NFIC: variants seen among roughly 807,000 people sequenced by gnomAD.
NFIC encodes the protein nuclear factor 1 C-type.
Under a neutral mutation model 54.4 loss-of-function variants are expected in NFIC, and 12 were observed. The observed-to-expected ratio is 0.22, with a 90% CI of 0.14 to 0.36. The LOEUF (loss-of-function observed/expected upper bound fraction) is 0.36, where lower values mean the gene tolerates loss of function less well. Ranked by LOEUF, NFIC falls within the 10% of genes least tolerant of loss-of-function variation. The pLI is 1.00. For synonymous variants in NFIC, 322 were observed against 319.2 expected (o/e 1.01, Z -0.09); for missense variants, 575 against 718.2 (o/e 0.80, Z 2.28).
chr19:3,433,273 A>C (rs2082149704), intron 3 of NFIC, among the ~76,000 whole-genome samples: 2 of 152,152 alleles, frequency 1.3e-5, no homozygotes, highest in Non-Finnish European at 2.9e-5. Context: ...CCTGCTGTTC[A>C]CTTGAATGCA....
At chr19:3,426,988 G>A (rs1388853196) in intron 3 of NFIC, among the ~76,000 whole-genome samples, 5 of 148,532 alleles carry the variant, frequency 3.4e-5, no homozygotes, top group East Asian at 4.0e-4. Context: ...GTGCAATGGC[G>A]CAATCTCGGC....
chr19:3,455,016 G>C (rs1020905842), intron 9 of NFIC, among the ~76,000 whole-genome samples: 4 of 152,210 alleles, frequency 2.6e-5, no homozygotes, highest in Admixed American at 2.0e-4. Flanking sequence ...CTGAGCCTCA[G>C]TTTTCTCAGC....
At chr19:3,404,846 G>A (rs1405252866) in intron 2 of NFIC, among the ~76,000 whole-genome samples, 2 of 152,156 alleles carry the variant, frequency 1.3e-5, no homozygotes, top group African/African-American at 2.4e-5. Flanking sequence ...CTCCAGACCC[G>A]CTGCCCAGGC....
In NFIC at chr19:3,381,770, C is replaced by T; in HGVS notation, c.89C>T (p.Thr30Ile). 1 of 1,613,936 alleles carries T rather than the reference C, an allele frequency of 6.2e-7. No homozygotes were observed. Among genetic ancestry groups the T allele is most frequent in the Non-Finnish European group, 8.5e-7 (1 of 1,179,954 alleles). ...CCTCACGTCCGCGCCTTCGCCTACA[C>T]CTGGTTCAACCTGCAGGCGCGGAAG... is the stretch of plus-strand genomic sequence containing the variant. ...LLPHVRAFAYTWFNLQARKRK... is the reference protein window; with the variant it reads ...LLPHVRAFAYIWFNLQARKRK... Residue 30 changes from threonine to isoleucine, a missense_variant, in exon 2 of 11, where the codon ACC (threonine) becomes ATC (isoleucine). Coordinates refer to ENST00000443272, the MANE Select transcript of NFIC (RefSeq NM_001245002.2).
rs139528173 is a variant in NFIC at position 3,437,095 on chromosome 19, C to G, written c.958+1888C>G. 6.9e-3 allele frequency among the ~76,000 whole-genome samples: 1,044 copies of G among 152,164 alleles called. 15 individuals are homozygous for G. The highest frequency in any genetic ancestry group is 0.023 in the African/African-American group (970 of 41,534). Reference sequence around the variant, plus strand: ...TAACATTCCTGTCTCTGACCAGGCTCGGTGGCTCACGCCTGTAATCCCAGC... The same window carrying G: ...TAACATTCCTGTCTCTGACCAGGCTGGGTGGCTCACGCCTGTAATCCCAGC... On this transcript the variant is annotated intron_variant, in intron 6 of 10. Transcript: ENST00000443272.
At chr19:3,443,315 G>A (rs375505418) in intron 6 of NFIC, among the ~76,000 whole-genome samples, 2 of 151,848 alleles carry the variant, frequency 1.3e-5, no homozygotes, top group African/African-American at 2.4e-5. Context: ...CCAGCTACTC[G>A]AGAGGCTGAG....
rs529267063 is a variant in NFIC, at chr19:3,466,598, T to C, written c.*3829T>C. ...TGGCCACGACATTGCCCTTAAGTAA[T>C]ATGCATTGGCCAGAGAGCCCGGGCT... On this transcript the variant is annotated 3_prime_UTR_variant, in exon 11 of 11. Coordinates refer to ENST00000443272, the MANE Select transcript of NFIC (RefSeq NM_001245002.2). This position sits in a 1 kb window ranked among gnomAD's most constrained non-coding sequence, Gnocchi z 4.8. 1.3e-5 allele frequency: 2 copies of C among 151,408 alleles called. No homozygotes were observed. The highest frequency in any genetic ancestry group is 3.9e-4 in the East Asian group (2 of 5,154). 9.4% of individuals were successfully genotyped at this position (151,408 alleles called of 1,614,324 possible).
chr19:3,429,455 G>A (rs943093586), intron 3 of NFIC, among the ~76,000 whole-genome samples: 2 of 151,988 alleles, frequency 1.3e-5, no homozygotes, highest in African/African-American at 4.8e-5. Context: ...GCCAAGGGTG[G>A]TGATGCGTGC....
chr19:3,452,460 C>G lies in NFIC; in HGVS notation c.1085-22C>G. 6.2e-7 allele frequency: 1 copy of G among 1,608,738 alleles called. No homozygotes were observed. Among genetic ancestry groups the G allele is most frequent in the Non-Finnish European group, 8.5e-7 (1 of 1,179,634 alleles). On this transcript the variant is annotated intron_variant, in intron 7 of 10. Transcript: ENST00000443272. This position sits in a 1 kb window ranked among gnomAD's most constrained non-coding sequence, Gnocchi z 5.3. ...ACCGGCTGGAGCCCCCAAGTAACCC[C>G]CGCTTCCCACTGTCTCCGCAGGGAT...
At position 3,464,526 on chromosome 19, in the gene NFIC, G is replaced by GGCCCCCC; in HGVS notation, c.*1757_*1758insGCCCCCC. ...GCTCAAACACAAGGACCCCTCCCCG[G>GGCCCCCC]CCCACCCAGCCCAGCCCCAACTGAC... is the stretch of plus-strand genomic sequence containing the variant. On this transcript the variant is annotated 3_prime_UTR_variant, in exon 11 of 11. Transcript: ENST00000443272. The GGCCCCCC allele has an allele frequency of 2.1e-6, 2 of 935,202 alleles. No homozygotes were observed. Among genetic ancestry groups the GGCCCCCC allele is most frequent in the Non-Finnish European group, 2.5e-6 (2 of 799,372 alleles). 57.9% of individuals were successfully genotyped at this position (935,202 alleles called of 1,614,324 possible).
intron 2 of NFIC, among the ~76,000 whole-genome samples, chr19:3,409,335 A>C (rs1444692637): frequency 1.3e-5 from 2 of 152,168 alleles, no homozygotes; most frequent in South Asian, 4.1e-4. Context: ...AGCCACCGTC[A>C]CATCCTCAGA....
At position 3,463,289 on chromosome 19, in the gene NFIC, G is replaced by A; in HGVS notation, c.*520G>A. ...CTCCCCGGGCCCCCGCGCCTCTGCCGGACACGGACCGGCCCCTCAGCCCCC... is the reference window on the plus strand; with the variant it reads ...CTCCCCGGGCCCCCGCGCCTCTGCCAGACACGGACCGGCCCCTCAGCCCCC... On this transcript the variant is annotated 3_prime_UTR_variant, in exon 11 of 11. Transcript: ENST00000443272. 2.0e-6 allele frequency: 2 copies of A among 989,326 alleles called. No homozygotes were observed. The highest frequency in any genetic ancestry group is 1.2e-6 in the Non-Finnish European group (1 of 832,928). 61.3% of individuals were successfully genotyped at this position (989,326 alleles called of 1,614,324 possible).
At chr19:3,361,741 C>G (rs1599538944), upstream of NFIC, among the ~76,000 whole-genome samples, 1 of 152,238 alleles carries the variant, frequency 6.6e-6, no homozygotes, top group South Asian at 2.1e-4. Flanking sequence ...TCCCTCCGCA[C>G]TCCCGGAGGG....
intron 1 of NFIC, 62 bp from the exon 2 acceptor site, chr19:3,381,649 CG>C (rs2081210700): frequency 1.3e-6 from 2 of 1,482,216 alleles, no homozygotes; most frequent in Non-Finnish European, 1.8e-6. Context: ...CCTTCGGGGC[CG>C]GGCAGTGGGT....
Position 3,462,716 on chromosome 19 carries a change from C to G in NFIC, c.1510-36C>G, listed in dbSNP as rs538436848. 3.7e-6 allele frequency: 6 copies of G among 1,611,368 alleles called. No homozygotes were observed. The South Asian group carries it at 6.6e-5, about 18-fold the overall frequency. ...GACCCCTCGACTTCTCTCCCTTTTT[C>G]TCTCTCCCTCTTTCTGTCGCCACTG... On this transcript the variant is annotated intron_variant, in intron 10 of 10. Transcript: ENST00000443272.
At chr19:3,368,913 CTGTGTGTG>C (rs59920512) in intron 1 of NFIC, among the ~76,000 whole-genome samples, 13,459 of 146,890 alleles carry the variant, frequency 0.092, 673 homozygotes, top group South Asian at 0.14. Context: ...TGCTCTGACT[CTGTGTGTG>C]TGTGTGTGTG....
At chr19:3,424,722 G>A (rs948213059) in intron 2 of NFIC, among the ~76,000 whole-genome samples, 1 of 152,220 alleles carries the variant, frequency 6.6e-6, no homozygotes, top group Admixed American at 6.5e-5. Flanking sequence ...GAAGGCAAGC[G>A]ACTTGCTCAG....
chr19:3,448,560 C>T (rs2082406972), intron 6 of NFIC, among the ~76,000 whole-genome samples: 1 of 152,178 alleles, frequency 6.6e-6, no homozygotes, highest in Non-Finnish European at 1.5e-5. Context: ...TCCGTTCCTT[C>T]CTCCCGCGTG....
chr19:3,367,483 TCC>T, intron 1 of NFIC, among the ~76,000 whole-genome samples: 1 of 150,856 alleles, frequency 6.6e-6, no homozygotes, highest in Non-Finnish European at 1.5e-5. Context: ...CCCCTCCCCC[TCC>T]CCCTCCCCCT....
Sources: gnomAD v4.1 joint callset for allele counts (sites outside exome capture counted in the v4.1 genomes callset) on GRCh38, gnomAD v4.1.1 for gene constraint, Gnocchi (gnomAD v3.1) non-coding constraint, MANE v1.5 for transcripts, NCBI Gene and HGNC (gene_info 2026-07-23, HGNC 2026-07-21) for gene names.